The following ADH7 variants were observed in gnomAD, a reference collection of about 807,000 sequenced individuals.
ADH7 encodes the protein all-trans-retinol dehydrogenase [NAD(+)] ADH7.
A neutral mutation model predicts 34.4 loss-of-function variants in ADH7; 41 were observed. That is an observed-to-expected ratio of 1.19 (90% CI 0.93 to 1.55). The LOEUF (loss-of-function observed/expected upper bound fraction) is 1.55, where lower values mean the gene tolerates loss of function less well. ADH7 is among the 40% of genes most tolerant of loss of function. The probability of loss-of-function intolerance (pLI) is 0.00; values close to 1 mark genes in which losing one functional copy is unlikely to be tolerated. For missense variants in ADH7, 540 were observed against 461.2 expected (o/e 1.17, Z -1.56); for synonymous variants, 180 against 160.9 (o/e 1.12, Z -0.90).
At chr4:99,422,492 AG>A (rs1489570507) in intron 5 of ADH7, among the ~76,000 whole-genome samples, 1 of 152,044 alleles carries the variant, frequency 6.6e-6, no homozygotes, top group Non-Finnish European at 1.5e-5. Context: ...AACACACATC[AG>A]GGCCTGTTAG....
At chr4:99,428,662 C>A (rs750563423) in intron 2 of ADH7, 32 bp from the exon 3 acceptor site, 2 of 1,597,976 alleles carry the variant, frequency 1.3e-6, no homozygotes, top group Non-Finnish European at 1.7e-6. Flanking sequence ...TTGCACCAAT[C>A]AACAAACTGA....
chr4:99,416,715 A>C (rs1373384906), intron 7 of ADH7, among the ~76,000 whole-genome samples: 1 of 152,084 alleles, frequency 6.6e-6, no homozygotes, highest in Admixed American at 6.6e-5. Flanking sequence ...TAAAATACTT[A>C]GGTTTCTATA....
At chr4:99,416,048 G>A (rs576334753) in intron 7 of ADH7, among the ~76,000 whole-genome samples, 1 of 152,086 alleles carries the variant, frequency 6.6e-6, no homozygotes, top group South Asian at 2.1e-4. Context: ...TAGATGATGG[G>A]TTGATGGGTG....
At chr4:99,427,380 T>C (rs1721833621) in intron 5 of ADH7, among the ~76,000 whole-genome samples, 1 of 152,190 alleles carries the variant, frequency 6.6e-6, no homozygotes, top group Admixed American at 6.6e-5. Flanking sequence ...CTTACTACTG[T>C]ATTTTGTAGT....
At chr4:99,419,848 T>C (rs1043253522) in intron 6 of ADH7, among the ~76,000 whole-genome samples, 1 of 152,210 alleles carries the variant, frequency 6.6e-6, no homozygotes, top group African/African-American at 2.4e-5. Flanking sequence ...ATTCTTAAAT[T>C]ACCAAAAGCA....
chr4:99,430,922 G>A (rs1167285963), intron 1 of ADH7, among the ~76,000 whole-genome samples: 5 of 152,024 alleles, frequency 3.3e-5, no homozygotes, highest in African/African-American at 7.2e-5. Flanking sequence ...TCAGCCACCC[G>A]AGTAGCTGAG....
chr4:99,430,297 C>T (rs1182547393), intron 1 of ADH7: 1 of 152,204 alleles, frequency 6.6e-6, no homozygotes, highest in Non-Finnish European at 1.5e-5. Context: ...AGCTTGTCAT[C>T]TTATAGTAGT....
chr4:99,418,860 C>G, intron 7 of ADH7, 126 bp downstream of exon 7: 10 of 1,113,804 alleles, frequency 9.0e-6, no homozygotes, highest in Non-Finnish European at 1.1e-5. Context: ...ATTATGATCA[C>G]AGTTCCATTT....
At chr4:99,424,046 A>G (rs372121825) in intron 5 of ADH7, among the ~76,000 whole-genome samples, 3 of 151,926 alleles carry the variant, frequency 2.0e-5, no homozygotes, top group East Asian at 1.9e-4. Flanking sequence ...ATCTTGAATT[A>G]ATTTTTGTAT....
intron 8 of ADH7, among the ~76,000 whole-genome samples, chr4:99,413,890 C>T (rs1013171710): frequency 2.6e-5 from 4 of 152,154 alleles, no homozygotes; most frequent in African/African-American, 7.2e-5. Flanking sequence ...AGAAGTCAGA[C>T]ATGATGCTAT....
Position 99,415,525 on chromosome 4 carries a change from T to C in ADH7, c.1053A>G (p.Pro351=). 3 of 1,613,556 alleles carry C rather than the reference T, an allele frequency of 1.9e-6. No individual in the cohort carries two copies. Among genetic ancestry groups the C allele is most frequent in the South Asian group, 1.1e-5 (1 of 91,010 alleles). The change falls in exon 8 of 9, where the codon CCA becomes CCG. Residue 351 remains proline, a synonymous_variant. Transcript: ENST00000437033. ...CAAATCCTTCACTGATTTTTTTAAA[T>C]GGTAAAACATGAGTTATCAACTGGT... The part of the protein sequence containing the change: ...DLDQLITHVL[P]FKKISEGFEL...
chr4:99,427,272 G>A (rs978327066), intron 5 of ADH7, among the ~76,000 whole-genome samples: 1 of 152,106 alleles, frequency 6.6e-6, no homozygotes, highest in Non-Finnish European at 1.5e-5. Flanking sequence ...CGCATTATAG[G>A]TGGTAATCAA....
intron 3 of ADH7, 92 bp from the exon 4 acceptor site, chr4:99,428,266 A>C: frequency 7.5e-7 from 1 of 1,341,262 alleles, no homozygotes; most frequent in African/African-American, 1.5e-5. Flanking sequence ...TATAGGTAAA[A>C]CTTTTAAAAA....
rs745937491 is a variant in ADH7, at chr4:99,419,139, G to A, written c.826-18C>T. ...GCATCAATCTGAGTTTAAAACGGAG[G>A]AGATCGTTTGCTTCCTGTGTCTCTT... On this transcript the variant is annotated intron_variant, in intron 6 of 8. Transcript: ENST00000437033. The A allele has an allele frequency of 6.2e-7, 1 of 1,610,252 alleles. No individual in the cohort carries two copies. Among genetic ancestry groups the A allele is most frequent in the Non-Finnish European group, 8.5e-7 (1 of 1,178,016 alleles).
At chr4:99,426,596 G>T (rs1721810963) in intron 5 of ADH7, among the ~76,000 whole-genome samples, 1 of 152,040 alleles carries the variant, frequency 6.6e-6, no homozygotes, top group Non-Finnish European at 1.5e-5. Flanking sequence ...AGAGTCCGGG[G>T]CCAGATGGAT....
intron 5 of ADH7, among the ~76,000 whole-genome samples, chr4:99,422,787 A>G (rs1721696591): frequency 6.6e-6 from 1 of 151,132 alleles, no homozygotes; most frequent in Non-Finnish European, 1.5e-5. Context: ...TCTTTTAATA[A>G]TGTATTAGGT....
chr4:99,421,251 T>C (rs1721655989), intron 5 of ADH7, among the ~76,000 whole-genome samples: 1 of 152,092 alleles, frequency 6.6e-6, no homozygotes, highest in Non-Finnish European at 1.5e-5. Context: ...CTTCAAACTA[T>C]ACTACAAGGC....
At chr4:99,420,390 T>A (rs1721618959) in intron 6 of ADH7, 143 bp downstream of exon 6, 5 of 970,852 alleles carry the variant, frequency 5.2e-6, no homozygotes, top group Non-Finnish European at 7.5e-6. Flanking sequence ...TGCTATGTGA[T>A]TATCAGTTTT....
At position 99,427,882 on chromosome 4, in the gene ADH7, A is replaced by G. The variant is rs1560564224; in HGVS notation, c.455T>C (p.Val152Ala). Residue 152 changes from valine (V) to alanine (A), a missense_variant, in exon 5 of 9, where the codon GTG (valine) becomes GCG (alanine). Physicochemically the swap from Val to Ala is moderately conservative, Grantham distance 64. Transcript: ENST00000437033. ...AATCTTAGCAACAGAAGATTCATCC[A>G]CCACTGTGTACTCGGTAAATGTACT... ...NTSTFTEYTV[V>A]DESSVAKIDD... The G allele has an allele frequency of 6.2e-7, 1 of 1,613,824 alleles. No individual in the cohort carries two copies. Among genetic ancestry groups the G allele is most frequent in the Non-Finnish European group, 8.5e-7 (1 of 1,179,880 alleles).
Sources: allele counts gnomAD v4.1 joint callset (sites outside exome capture counted in the v4.1 genomes callset), GRCh38; gene constraint gnomAD v4.1.1; transcripts MANE v1.5; gene names NCBI Gene and HGNC (gene_info 2026-07-23, HGNC 2026-07-21).